Variants in UBE3B observed in about 807,000 individuals in gnomAD.
UBE3B encodes ubiquitin-protein ligase E3B.
A neutral mutation model predicts 132.3 loss-of-function variants in UBE3B; 80 were observed. The ratio of observed to expected loss-of-function variants is 0.60; its 90% CI spans 0.50 to 0.73. UBE3B has a LOEUF of 0.73. UBE3B is among the 30% of genes least tolerant of loss of function. UBE3B has a pLI of 0.00. For missense variants in UBE3B, 1,196 were observed against 1,362.5 expected (o/e 0.88, Z 1.92); for synonymous variants, 487 against 520.4 (o/e 0.94, Z 0.87).
At chr12:109,532,723 G>T (rs928921234) in intron 26 of UBE3B, among the ~76,000 whole-genome samples, 1 of 152,244 alleles carries the variant, frequency 6.6e-6, no homozygotes, top group East Asian at 1.9e-4. Flanking sequence ...GTTCCCAGGG[G>T]GTAGCAGGGA....
At chr12:109,506,738 T>A (rs1879739475) in intron 14 of UBE3B, among the ~76,000 whole-genome samples, 1 of 152,238 alleles carries the variant, frequency 6.6e-6, no homozygotes. Flanking sequence ...TAGACTAAAT[T>A]TGGCCTGAGG....
At chr12:109,520,280 A>T (rs961924815) in intron 19 of UBE3B, 1 of 152,060 alleles carries the variant, frequency 6.6e-6, no homozygotes, top group Non-Finnish European at 1.5e-5. Flanking sequence ...AAACCTCAGC[A>T]CCCCAAGTAC....
chr12:109,508,128 G>T (rs538410724), intron 15 of UBE3B, among the ~76,000 whole-genome samples: 1 of 152,200 alleles, frequency 6.6e-6, no homozygotes, highest in Non-Finnish European at 1.5e-5. Context: ...AAGGGATCAC[G>T]GATTCAACCT....
chr12:109,486,630 A>G, intron 6 of UBE3B, 55 bp downstream of exon 6: 2 of 1,350,402 alleles, frequency 1.5e-6, no homozygotes, highest in South Asian at 1.3e-5. Context: ...TACGTATGTC[A>G]TTTTCACCTG....
intron 18 of UBE3B, among the ~76,000 whole-genome samples, chr12:109,516,167 CTTTTTTTTTT>C (rs59084691): frequency 7.7e-5 from 7 of 91,140 alleles, no homozygotes; most frequent in African/African-American, 2.2e-4. Flanking sequence ...TCTTTTTTTT[CTTTTTTTTTT>C]TTTTTTTTTT....
At chr12:109,487,088 G>A (rs574802003) in intron 6 of UBE3B, among the ~76,000 whole-genome samples, 4 of 152,178 alleles carry the variant, frequency 2.6e-5, no homozygotes, top group South Asian at 2.1e-4. Context: ...TCATGGCAAC[G>A]AGCAGTTTTG....
At chr12:109,492,248 T>C (rs1255494153) in intron 9 of UBE3B, 1 of 152,244 alleles carries the variant, frequency 6.6e-6, no homozygotes, top group Non-Finnish European at 1.5e-5. Flanking sequence ...TGAAAATTCA[T>C]TTAAGTTAAA....
the UBE3B span, among the ~76,000 whole-genome samples, chr12:109,542,598 G>C: frequency 6.6e-6 from 1 of 152,214 alleles, no homozygotes; most frequent in East Asian, 1.9e-4. Context: ...ATAGGAGTAG[G>C]GTGGGACCCT....
intron 9 of UBE3B, among the ~76,000 whole-genome samples, chr12:109,496,400 T>TG (rs577415282): frequency 8.0e-4 from 122 of 152,368 alleles, no homozygotes; most frequent in Admixed American, 1.2e-3. Flanking sequence ...GGCATATTCC[T>TG]GGGAGTAGAC....
rs1055774062 is a variant in UBE3B at position 109,488,800 on chromosome 12, G to A, written c.544+132G>A. ...GCCCTGAGACCATACAAATGAGGATGCCCTTGGTGCTGACCATCAGACTGC... is the reference window on the plus strand; with the variant it reads ...GCCCTGAGACCATACAAATGAGGATACCCTTGGTGCTGACCATCAGACTGC... On this transcript the variant is annotated intron_variant, in intron 7 of 27. Coordinates refer to ENST00000342494, the MANE Select transcript of UBE3B (RefSeq NM_130466.4). 5 of 758,180 alleles carry A rather than the reference G, an allele frequency of 6.6e-6. No homozygotes were observed. In the East Asian group the frequency reaches 7.5e-5, roughly 11 times the overall value. The allele number at this position is 758,180 out of a possible 1,614,324, so 47.0% of individuals were successfully genotyped here.
chr12:109,491,407 A>AAT (rs1408095147), intron 9 of UBE3B: 5 of 306,466 alleles, frequency 1.6e-5, no homozygotes, highest in Non-Finnish European at 3.0e-5. Context: ...AGAGGCCAAG[A>AAT]TGCAATCATT....
Position 109,503,334 on chromosome 12 carries a change from T to C in UBE3B, c.1450+144T>C, listed in dbSNP as rs536881474. Reference sequence around the variant, plus strand: ...ATTTTTGAGCTGTTCCTCTTAGAGATTAGTCCACCTCAGTTACATTGCTCA... The same window carrying C: ...ATTTTTGAGCTGTTCCTCTTAGAGACTAGTCCACCTCAGTTACATTGCTCA... On this transcript the variant is annotated intron_variant, in intron 14 of 27. Transcript: ENST00000342494. The C allele has an allele frequency of 1.0e-5, 11 of 1,053,502 alleles. No individual in the cohort carries two copies. In the African/African-American group the frequency reaches 1.4e-4, roughly 14 times the overall value. The allele number at this position is 1,053,502 out of a possible 1,614,324, so 65.3% of individuals were successfully genotyped here. A position where few individuals can be genotyped will look rare whatever the true frequency, so the allele number is the denominator to read the frequency against.
intron 16 of UBE3B, 147 bp from the exon 17 acceptor site, chr12:109,510,197 G>T: frequency 1.5e-6 from 1 of 646,624 alleles, no homozygotes; most frequent in Non-Finnish European, 2.7e-6. Flanking sequence ...ACTTACCCAG[G>T]GTGCCTTTTA....
intron 6 of UBE3B, among the ~76,000 whole-genome samples, chr12:109,488,097 G>T (rs1373494679): frequency 6.6e-6 from 1 of 152,212 alleles, no homozygotes; most frequent in Non-Finnish European, 1.5e-5. Context: ...AACCCTATGA[G>T]GAAAGCAGTG....
At chr12:109,482,075 TATTA>T (rs1189520767) in intron 2 of UBE3B, among the ~76,000 whole-genome samples, 1 of 152,208 alleles carries the variant, frequency 6.6e-6, no homozygotes, top group Non-Finnish European at 1.5e-5. Context: ...TTATTGTCCT[TATTA>T]ATACTAATAA....
rs551853600 is a variant in UBE3B, at chr12:109,535,916, G to A, written c.*1134G>A. On this transcript the variant is annotated 3_prime_UTR_variant, in exon 28 of 28. Transcript: ENST00000342494. ...TTAGCTCCAGGGAACTGAGGCAGAG[G>A]CCCTGTTTGTGGTCTGTGTTGACAG... The A allele has an allele frequency of 1.3e-5, 2 of 152,284 alleles. No individual in the cohort carries two copies. Among genetic ancestry groups the A allele is most frequent in the African/African-American group, 4.8e-5 (2 of 41,536 alleles). 9.4% of individuals were successfully genotyped at this position (152,284 alleles called of 1,614,324 possible).
chr12:109,530,586 CAG>C lies in UBE3B; in HGVS notation c.2853_2854del (p.Arg951SerfsTer17), dbSNP rs1300577594. 1 of 1,614,200 alleles carries C rather than the reference CAG, an allele frequency of 6.2e-7. No individual in the cohort carries two copies. Among genetic ancestry groups the C allele is most frequent in the East Asian group, 2.2e-5 (1 of 44,888 alleles). Reference sequence around the variant, plus strand: ...ACTACGGTGGTTTCCATGGAAGTCACAGAGTCATCATCTGGCTCTGGGATATT... The same window carrying C: ...ACTACGGTGGTTTCCATGGAAGTCACAGTCATCATCTGGCTCTGGGATATT... ...VYYGGFHGSH[R>X]VIIWLWDILA... On this transcript the variant is annotated frameshift_variant, in exon 26 of 28. Coordinates refer to ENST00000342494, the MANE Select transcript of UBE3B (RefSeq NM_130466.4). LOFTEE classifies it high-confidence loss of function.
Position 109,521,037 on chromosome 12 carries a change from T to C in UBE3B, c.2077-111T>C. Reference sequence around the variant, plus strand: ...CTGTCATGCATCCACGTTTCATAATTTGCACATTTGGTAATGATGCTGGGA... The same window carrying C: ...CTGTCATGCATCCACGTTTCATAATCTGCACATTTGGTAATGATGCTGGGA... On this transcript the variant is annotated intron_variant, in intron 19 of 27. Coordinates refer to ENST00000342494, the MANE Select transcript of UBE3B (RefSeq NM_130466.4). The surrounding 1 kb of genome is among the most constrained non-coding windows in gnomAD (Gnocchi z 4.2). 6 of 1,269,210 alleles carry C rather than the reference T, an allele frequency of 4.7e-6. No individual in the cohort carries two copies. Among genetic ancestry groups the C allele is most frequent in the Non-Finnish European group, 6.6e-6 (6 of 912,592 alleles). 78.6% of individuals were successfully genotyped at this position (1,269,210 alleles called of 1,614,324 possible). A position where few individuals can be genotyped will look rare whatever the true frequency, so the allele number is the denominator to read the frequency against.
chr12:109,482,310 G>C (rs1875612898), intron 2 of UBE3B, among the ~76,000 whole-genome samples: 1 of 152,040 alleles, frequency 6.6e-6, no homozygotes, highest in African/African-American at 2.4e-5. Flanking sequence ...ATAAATAATT[G>C]TTCAATCCTT....
Sources: allele counts gnomAD v4.1 joint callset (sites outside exome capture counted in the v4.1 genomes callset), GRCh38; gene constraint gnomAD v4.1.1; non-coding constraint Gnocchi (gnomAD v3.1); transcripts MANE v1.5; gene names NCBI Gene and HGNC (gene_info 2026-07-23, HGNC 2026-07-21).